Variants in PDE1C observed in about 807,000 individuals in gnomAD.
PDE1C encodes the protein phosphodiesterase 1C.
In PDE1C, 62 loss-of-function variants were observed where a neutral mutation model predicts 93.1. That is an observed-to-expected ratio of 0.67 (90% CI 0.54 to 0.82). The LOEUF is 0.82. Ranked by LOEUF, PDE1C falls within the 40% of genes least tolerant of loss-of-function variation. The probability of loss-of-function intolerance (pLI) is 0.00; values close to 1 mark genes in which losing one functional copy is unlikely to be tolerated. For synonymous variants in PDE1C, 325 were observed against 310.1 expected (o/e 1.05, Z -0.50); for missense variants, 742 against 884.6 (o/e 0.84, Z 2.04).
rs11325736 is a variant in PDE1C at position 32,262,005 on chromosome 7, A to ATTT, written c.85+36643_85+36645dup. Among the ~76,000 whole-genome samples the ATTT allele has an allele frequency of 8.5e-4, 76 of 89,746 alleles. 1 individual carries two copies. Among genetic ancestry groups the ATTT allele is most frequent in the African/African-American group, 2.8e-3 (68 of 24,120 alleles). 58.9% of individuals were successfully genotyped at this position (89,746 alleles called of 152,430 possible). A position where few individuals can be genotyped will look rare whatever the true frequency, so the allele number is the denominator to read the frequency against. On this transcript the variant is annotated intron_variant, in intron 1 of 18. Coordinates refer to the PDE1C transcript ENST00000396193. ...GGCTCACACCAGGGGTTGCTTTGGG[A>ATTT]TTTTTTTTTTTTTTTTTTTTTTTTT... is the stretch of plus-strand genomic sequence containing the variant.
chr7:31,723,977 A>G, the PDE1C span, among the ~76,000 whole-genome samples: 1 of 151,994 alleles, frequency 6.6e-6, no homozygotes, highest in South Asian at 2.1e-4. Flanking sequence ...TTACTTCTAT[A>G]TCATCTCAGG....
At chr7:32,079,553 T>C (rs1023180871) in intron 3 of PDE1C, among the ~76,000 whole-genome samples, 2 of 152,230 alleles carry the variant, frequency 1.3e-5, no homozygotes, top group Non-Finnish European at 2.9e-5. Context: ...GGGTCTGCCA[T>C]GCAGCTGTAG....
intron 1 of PDE1C, among the ~76,000 whole-genome samples, chr7:32,387,665 G>T (rs1784660982): frequency 6.7e-6 from 1 of 149,008 alleles, no homozygotes; most frequent in Non-Finnish European, 1.5e-5. Context: ...CGGGGCGGCT[G>T]GCCGGGCGGG....
intron 2 of PDE1C, among the ~76,000 whole-genome samples, chr7:31,991,319 T>C (rs971931006): frequency 2.0e-5 from 3 of 152,180 alleles, no homozygotes. Flanking sequence ...AAAACGAGGT[T>C]AGGCCCTCTG....
chr7:32,072,296 T>C (rs946337502), upstream of PDE1C, among the ~76,000 whole-genome samples: 10 of 152,346 alleles, frequency 6.6e-5, no homozygotes, highest in East Asian at 1.9e-3. Context: ...CAGGTAAATC[T>C]GAAGTCGCCC....
chr7:31,969,611 A>G (rs969098331), intron 2 of PDE1C, among the ~76,000 whole-genome samples: 34 of 152,222 alleles, frequency 2.2e-4, no homozygotes, highest in Non-Finnish European at 4.1e-4. Context: ...GGAACTAGAA[A>G]TACCATTTGA....
At chr7:31,639,990 C>CA in the PDE1C span, among the ~76,000 whole-genome samples, 269 of 152,218 alleles carry the variant, frequency 1.8e-3, 1 homozygote, top group African/African-American at 6.1e-3. Flanking sequence ...ATATATGCCA[C>CA]ACATTTGGAT....
chr7:32,354,359 G>A (rs572047908), intron 1 of PDE1C, among the ~76,000 whole-genome samples: 21 of 152,234 alleles, frequency 1.4e-4, no homozygotes, highest in African/African-American at 5.1e-4. Flanking sequence ...AGGTGCAGTA[G>A]CTCATGCCTG....
At chr7:31,760,264 AG>A (rs1292529797) in intron 17 of PDE1C, among the ~76,000 whole-genome samples, 1 of 152,222 alleles carries the variant, frequency 6.6e-6, no homozygotes, top group Non-Finnish European at 1.5e-5. Flanking sequence ...CTTTTTATCA[AG>A]GACATCTTAT....
chr7:31,617,968 C>T, the PDE1C span, among the ~76,000 whole-genome samples: 1 of 152,192 alleles, frequency 6.6e-6, no homozygotes, highest in Non-Finnish European at 1.5e-5. Flanking sequence ...ATTTTAGAAG[C>T]ACACATATTG....
chr7:32,083,662 T>A (rs924389713), intron 3 of PDE1C, among the ~76,000 whole-genome samples: 2 of 152,148 alleles, frequency 1.3e-5, no homozygotes, highest in African/African-American at 2.4e-5. Context: ...CTCTGCAGAA[T>A]CTCTACAAGC....
intron 16 of PDE1C, among the ~76,000 whole-genome samples, chr7:31,794,518 T>C (rs1008508138): frequency 2.6e-5 from 4 of 152,016 alleles, no homozygotes; most frequent in African/African-American, 9.7e-5. Flanking sequence ...ACTGTCTCTG[T>C]TCTTCTGTCT....
intron 2 of PDE1C, among the ~76,000 whole-genome samples, chr7:31,881,326 C>A (rs1195197663): frequency 6.6e-6 from 1 of 151,884 alleles, no homozygotes. Context: ...CCACTGAGAA[C>A]CACAAGAGGG....
intron 16 of PDE1C, chr7:31,785,974 A>G (rs1276280296): frequency 6.6e-6 from 1 of 152,208 alleles, no homozygotes; most frequent in Non-Finnish European, 1.5e-5. Context: ...CATGGATCAC[A>G]GTTGATAAAT....
At chr7:31,793,435 G>A (rs943057923) in intron 16 of PDE1C, among the ~76,000 whole-genome samples, 1 of 151,992 alleles carries the variant, frequency 6.6e-6, no homozygotes, top group African/African-American at 2.4e-5. Flanking sequence ...AAAGAAGTAA[G>A]TTGACTTGGC....
chr7:31,640,479 G>C, the PDE1C span, among the ~76,000 whole-genome samples: 2 of 152,150 alleles, frequency 1.3e-5, no homozygotes, highest in African/African-American at 2.4e-5. Flanking sequence ...TGTTTCCTCA[G>C]CTTCAAGTGT....
intron 11 of PDE1C, among the ~76,000 whole-genome samples, chr7:31,835,378 A>G (rs1409866510): frequency 6.6e-6 from 1 of 152,136 alleles, no homozygotes; most frequent in African/African-American, 2.4e-5. Context: ...TTGCGGAGTC[A>G]CCTGTATAGT....
rs530853945 is a variant in PDE1C at position 31,901,542 on chromosome 7, A to T, written c.129-20682T>A. Among the ~76,000 whole-genome samples, 12 of 151,390 alleles carry T rather than the reference A, an allele frequency of 7.9e-5. 1 individual carries two copies. The South Asian group carries it at 2.3e-3, about 29-fold the overall frequency. The stretch of plus-strand genomic sequence containing the variant: ...TTTGGATGGAAAAGCTTACCATTTT[A>T]AAGATATAAATTTCTCCTCAAATTA... On this transcript the variant is annotated intron_variant, in intron 2 of 17. Coordinates refer to ENST00000396191, the MANE Select transcript of PDE1C (RefSeq NM_001191057.4).
chr7:32,385,155 G>T (rs1386851087), intron 1 of PDE1C, among the ~76,000 whole-genome samples: 1 of 152,190 alleles, frequency 6.6e-6, no homozygotes, highest in Non-Finnish European at 1.5e-5. Context: ...TCATCAAGAT[G>T]GGGCAGAGAA....
Sources: gnomAD v4.1 joint callset for allele counts (sites outside exome capture counted in the v4.1 genomes callset) on GRCh38, gnomAD v4.1.1 for gene constraint, MANE v1.5 for transcripts, NCBI Gene and HGNC (gene_info 2026-07-23, HGNC 2026-07-21) for gene names.